SRBD1: variants seen among roughly 807,000 people sequenced by gnomAD.
SRBD1 encodes S1 RNA-binding domain-containing protein 1.
A neutral mutation model predicts 115.3 loss-of-function variants in SRBD1; 88 were observed. That is an observed-to-expected ratio of 0.76 (90% confidence interval 0.64 to 0.91). The LOEUF is 0.91. Ranked by LOEUF, SRBD1 falls within the 40% of genes least tolerant of loss-of-function variation. SRBD1 has a pLI of 0.00. For synonymous variants in SRBD1, 509 were observed against 407.7 expected (o/e 1.25, Z -2.99); for missense variants, 1,385 against 1,177.4 (o/e 1.18, Z -2.58).
chr2:45,473,032 C>T (rs1197073239), intron 16 of SRBD1, among the ~76,000 whole-genome samples: 3 of 150,360 alleles, frequency 2.0e-5, no homozygotes, highest in African/African-American at 7.3e-5. Context: ...GTCTTAAGTT[C>T]TATTAATAGG....
intron 9 of SRBD1, among the ~76,000 whole-genome samples, chr2:45,565,546 T>G (rs1319292981): frequency 6.6e-6 from 1 of 152,056 alleles, no homozygotes; most frequent in East Asian, 1.9e-4. Context: ...AAGGAGAAAA[T>G]TTTTATGACC....
At chr2:45,495,069 G>C (rs989308646) in intron 14 of SRBD1, among the ~76,000 whole-genome samples, 3 of 152,162 alleles carry the variant, frequency 2.0e-5, no homozygotes, top group Non-Finnish European at 4.4e-5. Context: ...GAGGATCTAA[G>C]TATACTCCAG....
chr2:45,457,046 T>A (rs1023612223), intron 16 of SRBD1, among the ~76,000 whole-genome samples: 1 of 151,984 alleles, frequency 6.6e-6, no homozygotes, highest in East Asian at 1.9e-4. Context: ...GTATTTTTAA[T>A]GGCTCTATAA....
At chr2:45,408,093 T>C (rs1438139165) in intron 19 of SRBD1, among the ~76,000 whole-genome samples, 1 of 152,184 alleles carries the variant, frequency 6.6e-6, no homozygotes, top group Non-Finnish European at 1.5e-5. Flanking sequence ...TTTCCAATAG[T>C]TTTCTGACAT....
chr2:45,609,720 C>G lies in SRBD1; in HGVS notation c.-1+1499G>C, dbSNP rs564228156. Among the ~76,000 whole-genome samples, 89 of 152,148 alleles carry G rather than the reference C, an allele frequency of 5.8e-4. 1 individual carries two copies. Among genetic ancestry groups the G allele is most frequent in the Admixed American group, 5.2e-4 (8 of 15,278 alleles). On this transcript the variant is annotated intron_variant, in intron 1 of 20. Transcript: ENST00000263736. ...TTGTCAATTGGCTGGCTCCTTGCAT[C>G]CCTTAGATCTTAACATTTCAGGCCT...
intron 16 of SRBD1, among the ~76,000 whole-genome samples, chr2:45,424,658 AAGAC>A (rs938621743): frequency 2.6e-5 from 4 of 152,160 alleles, no homozygotes; most frequent in Non-Finnish European, 5.9e-5. Flanking sequence ...TTAATTGTAT[AAGAC>A]AGACATACAT....
chr2:45,417,329 T>A (rs1159480932), intron 18 of SRBD1, among the ~76,000 whole-genome samples: 1 of 152,180 alleles, frequency 6.6e-6, no homozygotes, highest in East Asian at 1.9e-4. Context: ...GCAGTTGTCA[T>A]AATATCATTT....
chr2:45,439,319 A>C (rs1668590645), intron 16 of SRBD1, among the ~76,000 whole-genome samples: 1 of 151,770 alleles, frequency 6.6e-6, no homozygotes, highest in Non-Finnish European at 1.5e-5. Context: ...CTTAAAAGAC[A>C]TAAAACCAGA....
chr2:45,438,939 A>C (rs962118943), intron 16 of SRBD1, among the ~76,000 whole-genome samples: 3 of 152,218 alleles, frequency 2.0e-5, no homozygotes, highest in Non-Finnish European at 4.4e-5. Flanking sequence ...TTTATGGTCA[A>C]ACTGCTGGAA....
At chr2:45,565,145 A>G (rs1040024190) in intron 9 of SRBD1, among the ~76,000 whole-genome samples, 6 of 152,200 alleles carry the variant, frequency 3.9e-5, no homozygotes, top group African/African-American at 1.4e-4. Context: ...TTTAAAACAC[A>G]TATAGTAATT....
At chr2:45,426,255 C>T (rs1668151030) in intron 16 of SRBD1, among the ~76,000 whole-genome samples, 1 of 152,174 alleles carries the variant, frequency 6.6e-6, no homozygotes, top group African/African-American at 2.4e-5. Flanking sequence ...TAGATGGAGC[C>T]CACAGCAGCT....
intron 18 of SRBD1, among the ~76,000 whole-genome samples, chr2:45,414,236 G>C (rs144412787): frequency 2.0e-5 from 3 of 152,138 alleles, no homozygotes; most frequent in Non-Finnish European, 4.4e-5. Context: ...GGTATGTAAG[G>C]ACTTAAGTAT....
chr2:45,603,911 T>C (rs912581532), intron 2 of SRBD1, among the ~76,000 whole-genome samples: 1 of 152,154 alleles, frequency 6.6e-6, no homozygotes, highest in Non-Finnish European at 1.5e-5. Context: ...TTCACCTGAA[T>C]GTCCAGCAAT....
At chr2:45,605,545 A>G in intron 1 of SRBD1, 104 bp from the exon 2 acceptor site, 1 of 1,084,150 alleles carries the variant, frequency 9.2e-7, no homozygotes, top group South Asian at 1.4e-5. Context: ...TAGGAAAAAA[A>G]CAAAAACAAT....
At chr2:45,484,316 G>A (rs1670051333) in intron 15 of SRBD1, among the ~76,000 whole-genome samples, 1 of 152,108 alleles carries the variant, frequency 6.6e-6, no homozygotes, top group East Asian at 1.9e-4. Context: ...CTAATCCCAA[G>A]TTTCTTCAAT....
chr2:45,450,995 C>T (rs888458025), intron 16 of SRBD1, among the ~76,000 whole-genome samples: 8 of 152,078 alleles, frequency 5.3e-5, no homozygotes, highest in African/African-American at 7.2e-5. Flanking sequence ...GATGTTTGAA[C>T]GGGATCTCTT....
chr2:45,406,043 GAC>G (rs897914747), intron 19 of SRBD1, among the ~76,000 whole-genome samples: 1 of 152,026 alleles, frequency 6.6e-6, no homozygotes, highest in Non-Finnish European at 1.5e-5. Context: ...AGATACAAGA[GAC>G]AGTTAGTTAT....
At chr2:45,606,748 A>C (rs996052880) in intron 1 of SRBD1, among the ~76,000 whole-genome samples, 1 of 152,210 alleles carries the variant, frequency 6.6e-6, no homozygotes, top group African/African-American at 2.4e-5. Flanking sequence ...AAGATTAATT[A>C]GCTGTTAAAA....
At chr2:45,394,484 C>T (rs1667088652) in intron 19 of SRBD1, among the ~76,000 whole-genome samples, 1 of 152,156 alleles carries the variant, frequency 6.6e-6, no homozygotes, top group South Asian at 2.1e-4. Flanking sequence ...AGGGATACCT[C>T]TGGAATACAA....
Sources: gnomAD v4.1 joint callset for allele counts (sites outside exome capture counted in the v4.1 genomes callset) on GRCh38, gnomAD v4.1.1 for gene constraint, MANE v1.5 for transcripts, NCBI Gene and HGNC (gene_info 2026-07-23, HGNC 2026-07-21) for gene names.